Variants in SEPTIN7 observed in about 807,000 individuals in gnomAD.
SEPTIN7 encodes septin-7.
Under a neutral mutation model 63.3 loss-of-function variants are expected in SEPTIN7, and 10 were observed. That is an observed-to-expected ratio of 0.16 (90% confidence interval 0.10 to 0.27). SEPTIN7 has a LOEUF of 0.27. Among genes scored for constraint, SEPTIN7 ranks in the 10% least tolerant of loss-of-function variants. The probability of loss-of-function intolerance (pLI) is 1.00; values close to 1 mark genes in which losing one functional copy is unlikely to be tolerated. For missense variants in SEPTIN7, 310 were observed against 521.0 expected (o/e 0.59, Z 3.94); for synonymous variants, 131 against 165.3 (o/e 0.79, Z 1.59).
intron 9 of SEPTIN7, among the ~76,000 whole-genome samples, chr7:35,884,684 C>T (rs1304353321): frequency 6.6e-6 from 1 of 152,124 alleles, no homozygotes; most frequent in Non-Finnish European, 1.5e-5. Flanking sequence ...TTAAAACATC[C>T]ACAGTCTTCT....
intron 1 of SEPTIN7, among the ~76,000 whole-genome samples, chr7:35,830,453 A>G (rs1783777325): frequency 6.6e-6 from 1 of 152,142 alleles, no homozygotes; most frequent in African/African-American, 2.4e-5. Flanking sequence ...GCTTGCAGAG[A>G]TTAATGTAAT....
rs1437193939 is a variant in SEPTIN7 at position 35,801,257 on chromosome 7, C to T, written c.48C>T (p.Asn16=). Residue 16 remains asparagine (N), a synonymous_variant, in exon 1 of 14, where the codon AAC becomes AAT. Coordinates refer to ENST00000350320, the MANE Select transcript of SEPTIN7 (RefSeq NM_001788.6). ...CTGCTGCTGAGGAGAGGAGCGTCAA[C>T]AGCAGCACCATGGGTGAGTCTCAGC... ...RSAAAEERSV[N]SSTMVAQQKN... 25 of 1,526,670 alleles carry T rather than the reference C, an allele frequency of 1.6e-5. No homozygotes were observed. Among genetic ancestry groups the T allele is most frequent in the Non-Finnish European group, 2.2e-5 (25 of 1,139,720 alleles). 94.6% of individuals were successfully genotyped at this position (1,526,670 alleles called of 1,614,324 possible). A position where few individuals can be genotyped will look rare whatever the true frequency, so the allele number is the denominator to read the frequency against.
chr7:35,868,433 C>G (rs1242115171), intron 4 of SEPTIN7, among the ~76,000 whole-genome samples: 2 of 152,122 alleles, frequency 1.3e-5, no homozygotes, highest in Non-Finnish European at 1.5e-5. Context: ...AAAAAGTTCT[C>G]AAAGATCTCA....
intron 3 of SEPTIN7, among the ~76,000 whole-genome samples, chr7:35,837,892 T>C (rs1329799831): frequency 2.6e-5 from 4 of 151,884 alleles, no homozygotes; most frequent in African/African-American, 9.7e-5. Context: ...CCCCAGCTAA[T>C]TGTGTATTTT....
chr7:35,895,451 T>TA (rs1351957903), intron 11 of SEPTIN7, among the ~76,000 whole-genome samples: 1 of 152,214 alleles, frequency 6.6e-6, no homozygotes, highest in Non-Finnish European at 1.5e-5. Flanking sequence ...CTAAAAAACT[T>TA]ACAGTATCTT....
intron 1 of SEPTIN7, among the ~76,000 whole-genome samples, chr7:35,818,411 T>C (rs995180173): frequency 1.3e-5 from 2 of 152,054 alleles, no homozygotes; most frequent in Non-Finnish European, 2.9e-5. Context: ...ATATAAGATA[T>C]TGGTTGGTTG....
chr7:35,845,175 A>T (rs769387858), intron 3 of SEPTIN7, among the ~76,000 whole-genome samples: 1 of 152,112 alleles, frequency 6.6e-6, no homozygotes, highest in Non-Finnish European at 1.5e-5. Context: ...ACTGTGAGTG[A>T]CCACCCCTGC....
intron 1 of SEPTIN7, among the ~76,000 whole-genome samples, chr7:35,828,438 C>T (rs561415977): frequency 4.5e-4 from 68 of 151,552 alleles, no homozygotes; most frequent in Non-Finnish European, 8.6e-4. Flanking sequence ...TGCAGTGGCA[C>T]GATCTCAGCT....
chr7:35,806,013 C>T (rs946553150), intron 1 of SEPTIN7, among the ~76,000 whole-genome samples: 5 of 152,198 alleles, frequency 3.3e-5, no homozygotes, highest in African/African-American at 1.2e-4. Flanking sequence ...TTACCAGCAT[C>T]CCTGCTGTCA....
At chr7:35,832,093 A>G (rs1413079708) in intron 2 of SEPTIN7, 2 of 454,032 alleles carry the variant, frequency 4.4e-6, no homozygotes, top group Non-Finnish European at 8.8e-6. Context: ...TCTTTCAGTT[A>G]CTCACGAAAC....
chr7:35,871,045 A>G (rs1227609630), intron 4 of SEPTIN7, among the ~76,000 whole-genome samples: 3 of 152,148 alleles, frequency 2.0e-5, no homozygotes, highest in African/African-American at 7.2e-5. Context: ...ACTGTTATTG[A>G]TGTTTACTTT....
At chr7:35,861,590 T>C (rs1029555255) in intron 3 of SEPTIN7, among the ~76,000 whole-genome samples, 3 of 152,198 alleles carry the variant, frequency 2.0e-5, no homozygotes, top group Admixed American at 2.0e-4. Flanking sequence ...AATGTCTTAA[T>C]TTCCCAAAGA....
At chr7:35,861,460 A>G (rs1159896432) in intron 3 of SEPTIN7, among the ~76,000 whole-genome samples, 2 of 152,210 alleles carry the variant, frequency 1.3e-5, no homozygotes, top group Non-Finnish European at 2.9e-5. Context: ...TTAGTTGAGC[A>G]TGCCCTTAAC....
chr7:35,847,078 A>G (rs992107275), intron 3 of SEPTIN7: 5 of 186,050 alleles, frequency 2.7e-5, no homozygotes, highest in Admixed American at 5.1e-5. Context: ...ACATTAGAGC[A>G]GTGTCTCTGC....
chr7:35,911,371 A>G (rs1463700465), downstream of SEPTIN7, among the ~76,000 whole-genome samples: 1 of 152,238 alleles, frequency 6.6e-6, no homozygotes, highest in African/African-American at 2.4e-5. Context: ...AGTATTTACC[A>G]TAACAAATCT....
At chr7:35,873,242 A>T (rs544343871) in intron 5 of SEPTIN7, among the ~76,000 whole-genome samples, 1 of 152,030 alleles carries the variant, frequency 6.6e-6, no homozygotes, top group African/African-American at 2.4e-5. Flanking sequence ...TTGAATTCAC[A>T]TTGTTTTTGA....
At chr7:35,817,568 T>A (rs1789151314) in intron 1 of SEPTIN7, among the ~76,000 whole-genome samples, 1 of 152,120 alleles carries the variant, frequency 6.6e-6, no homozygotes, top group Non-Finnish European at 1.5e-5. Context: ...TGCTAATTTC[T>A]ACAAGTAGGC....
Position 35,840,370 on chromosome 7 carries a change from C to T in SEPTIN7, c.169+7470C>T, listed in dbSNP as rs141498601. Among the ~76,000 whole-genome samples the T allele has an allele frequency of 4.5e-3, 672 of 150,222 alleles. 6 individuals carry two copies. Among genetic ancestry groups the T allele is most frequent in the African/African-American group, 0.016 (640 of 40,720 alleles). On this transcript the variant is annotated intron_variant, in intron 3 of 13. Transcript: ENST00000350320. ...AGCCCCTGGACTCAAGTGATCGTCCCACCTCAGCCTCCCAAGTACCTGGGA... is the reference window on the plus strand; with the variant it reads ...AGCCCCTGGACTCAAGTGATCGTCCTACCTCAGCCTCCCAAGTACCTGGGA...
chr7:35,824,209 C>G (rs769461834), intron 1 of SEPTIN7, among the ~76,000 whole-genome samples: 20 of 151,914 alleles, frequency 1.3e-4, no homozygotes, highest in Non-Finnish European at 2.2e-4. Flanking sequence ...TTTCCAATGA[C>G]AATAAGTAGA....
Sources: allele counts gnomAD v4.1 joint callset (sites outside exome capture counted in the v4.1 genomes callset), GRCh38; gene constraint gnomAD v4.1.1; transcripts MANE v1.5; gene names NCBI Gene and HGNC (gene_info 2026-07-23, HGNC 2026-07-21).